The following NAV3 variants were observed in gnomAD, a reference collection of about 807,000 sequenced individuals.
NAV3 encodes pore membrane and/or filament interacting like protein 1.
Under a neutral mutation model 244.7 loss-of-function variants are expected in NAV3, and 87 were observed. The ratio of observed to expected loss-of-function variants is 0.36; its 90% confidence interval spans 0.30 to 0.42. The LOEUF is 0.42. Among genes scored for constraint, NAV3 ranks in the 20% least tolerant of loss-of-function variants. The probability of loss-of-function intolerance (pLI) is 1.00; values close to 1 mark genes in which losing one functional copy is unlikely to be tolerated. For missense variants in NAV3, 2,663 were observed against 2,893.3 expected, an observed-to-expected ratio of 0.92 and a Z score of 1.83; for synonymous variants, 1,126 against 1,042.2, an observed-to-expected ratio of 1.08 and a Z score of -1.55.
At chr12:77,664,854 C>A (rs757652385) in intron 2 of NAV3, among the ~76,000 whole-genome samples, 1 of 152,138 alleles carries the variant, frequency 6.6e-6, no homozygotes, top group Non-Finnish European at 1.5e-5. Flanking sequence ...GTAATAGATT[C>A]TTCTGTGACA....
chr12:78,061,593 G>A (rs1477623295), intron 12 of NAV3, among the ~76,000 whole-genome samples: 1 of 152,006 alleles, frequency 6.6e-6, no homozygotes, highest in Non-Finnish European at 1.5e-5. Context: ...TTACAGATAA[G>A]TCTGAAGGTC....
At chr12:77,601,387 G>T (rs1870421826) in intron 2 of NAV3, among the ~76,000 whole-genome samples, 2 of 151,978 alleles carry the variant, frequency 1.3e-5, no homozygotes, top group African/African-American at 4.8e-5. Context: ...GGGAAATCCA[G>T]ACTGAATATA....
intron 1 of NAV3, among the ~76,000 whole-genome samples, chr12:77,896,812 G>A (rs2136848202): frequency 6.6e-6 from 1 of 152,214 alleles, no homozygotes; most frequent in Admixed American, 6.5e-5. Flanking sequence ...GGAGAGCCAG[G>A]AAACCCAATT....
intron 2 of NAV3, among the ~76,000 whole-genome samples, chr12:77,575,592 C>T (rs540987682): frequency 7.2e-4 from 110 of 152,202 alleles, no homozygotes; most frequent in African/African-American, 2.5e-3. Flanking sequence ...AATTTTATTG[C>T]TTTGTGGGAT....
At chr12:77,973,322 A>G (rs1893160074) in intron 5 of NAV3, among the ~76,000 whole-genome samples, 1 of 152,164 alleles carries the variant, frequency 6.6e-6, no homozygotes, top group Admixed American at 6.5e-5. Context: ...ACATAGATAG[A>G]TGATAGAGGT....
rs774739347 is a variant in NAV3 at position 78,177,202 on chromosome 12, A to G, written c.5186A>G (p.His1729Arg). The change falls in exon 27 of 40, where the codon CAT becomes CGT. Residue 1729 changes from histidine (H) to arginine (R), a missense_variant. This residue lies in a region of NAV3 where 193 missense variants were observed against 200.7 expected (regional missense o/e 0.96). Transcript: ENST00000397909. ...KKKSTKPPSS[H>R]SDIEELTDSS... ...AAGTCCACCAAGCCTCCTTCATCAC[A>G]TTCTGACATTGAAGAGCTTACTGAT... 1.9e-6 allele frequency: 3 copies of G among 1,613,380 alleles called. No homozygotes were observed. The highest frequency in any genetic ancestry group is 1.1e-5 in the South Asian group (1 of 91,054).
chr12:78,105,487 G>A (rs116959017), intron 12 of NAV3, among the ~76,000 whole-genome samples: 2,193 of 152,050 alleles, frequency 0.014, 19 homozygotes, highest in Non-Finnish European at 0.018. Flanking sequence ...TATCTAACAC[G>A]TTTAATTATT....
chr12:77,949,864 T>G (rs1890711828), intron 3 of NAV3, among the ~76,000 whole-genome samples: 1 of 152,126 alleles, frequency 6.6e-6, no homozygotes, highest in South Asian at 2.1e-4. Context: ...ATTGTTTTAC[T>G]GTCCCTGTGG....
intron 2 of NAV3, among the ~76,000 whole-genome samples, chr12:77,690,636 CAT>C (rs1874962913): frequency 6.6e-6 from 1 of 150,580 alleles, no homozygotes; most frequent in South Asian, 2.1e-4. Flanking sequence ...TCAACTCTGT[CAT>C]ATAATAAGAT....
At chr12:77,794,092 CAT>C (rs1871301185) in intron 2 of NAV3, among the ~76,000 whole-genome samples, 1 of 152,030 alleles carries the variant, frequency 6.6e-6, no homozygotes, top group African/African-American at 2.4e-5. Flanking sequence ...AGCTTTTTTT[CAT>C]ATGTTTCTTG....
chr12:78,192,619 G>GC (rs1959034470), intron 34 of NAV3, among the ~76,000 whole-genome samples: 1 of 151,580 alleles, frequency 6.6e-6, no homozygotes, highest in Non-Finnish European at 1.5e-5. Context: ...CACTGTGTTA[G>GC]CAGGATGGTC....
At chr12:77,707,538 T>C (rs1002949731) in intron 2 of NAV3, among the ~76,000 whole-genome samples, 5 of 152,200 alleles carry the variant, frequency 3.3e-5, no homozygotes, top group African/African-American at 1.2e-4. Flanking sequence ...GCATGTGTCT[T>C]TATAGCAGCA....
intron 2 of NAV3, among the ~76,000 whole-genome samples, chr12:77,639,934 AG>A (rs1485784413): frequency 6.6e-6 from 1 of 152,164 alleles, no homozygotes; most frequent in South Asian, 2.1e-4. Flanking sequence ...AGCTGTCAAA[AG>A]GGGGGCACTA....
chr12:77,925,590 C>A (rs1437376868), intron 1 of NAV3, among the ~76,000 whole-genome samples: 3 of 152,010 alleles, frequency 2.0e-5, no homozygotes, highest in Non-Finnish European at 4.4e-5. Context: ...AGTCTCCATG[C>A]TCTCTTAGTG....
intron 12 of NAV3, among the ~76,000 whole-genome samples, chr12:78,092,390 A>G (rs1313426620): frequency 1.3e-5 from 2 of 152,082 alleles, no homozygotes; most frequent in Non-Finnish European, 2.9e-5. Context: ...CATAGTGTAT[A>G]AAATAATAGA....
chr12:77,706,614 G>C (rs1254791266), intron 2 of NAV3, among the ~76,000 whole-genome samples: 1 of 151,076 alleles, frequency 6.6e-6, no homozygotes, highest in African/African-American at 2.5e-5. Flanking sequence ...GCTCATGCCG[G>C]TAATCCAGCA....
chr12:77,663,439 G>T (rs1370411504), intron 2 of NAV3, among the ~76,000 whole-genome samples: 1 of 150,574 alleles, frequency 6.6e-6, no homozygotes, highest in African/African-American at 2.4e-5. Flanking sequence ...CAAACAAAAA[G>T]ATATAACCTG....
intron 2 of NAV3, among the ~76,000 whole-genome samples, chr12:77,666,179 G>GTTT (rs35767149): frequency 1.0e-4 from 12 of 119,168 alleles, no homozygotes; most frequent in East Asian, 2.5e-4. Flanking sequence ...CATGTTTACA[G>GTTT]TTTTTTTTTT....
intron 2 of NAV3, among the ~76,000 whole-genome samples, chr12:77,599,010 T>G (rs1352371437): frequency 1.3e-5 from 2 of 151,872 alleles, no homozygotes; most frequent in Non-Finnish European, 2.9e-5. Context: ...ATGCCATCCC[T>G]CCAAGTCCCC....
Sources: allele counts gnomAD v4.1 joint callset (sites outside exome capture counted in the v4.1 genomes callset), GRCh38; gene constraint gnomAD v4.1.1; regional missense constraint gnomAD v4.1.1; transcripts MANE v1.5; gene names NCBI Gene and HGNC (gene_info 2026-07-23, HGNC 2026-07-21).